ESYT3: variants seen among roughly 807,000 people sequenced by gnomAD.
ESYT3 encodes extended synaptotagmin 3, also known as extended synaptotagmin-3.
A neutral mutation model predicts 111.5 loss-of-function variants in ESYT3; 101 were observed. The ratio of observed to expected loss-of-function variants is 0.91; its 90% CI spans 0.77 to 1.07. The LOEUF is 1.07. ESYT3 is among the 50% of genes least tolerant of loss of function. ESYT3 has a pLI of 0.00. For synonymous variants in ESYT3, 416 were observed against 446.8 expected (o/e 0.93, Z 0.87); for missense variants, 1,097 against 1,109.4 (o/e 0.99, Z 0.16).
At chr3:138,464,967 T>G (rs1167718528) in intron 9 of ESYT3, among the ~76,000 whole-genome samples, 1 of 152,208 alleles carries the variant, frequency 6.6e-6, no homozygotes. Context: ...ACCATCTGGA[T>G]GCTCTGTTAC....
chr3:138,470,643 G>C, intron 16 of ESYT3: 2 of 1,290,750 alleles, frequency 1.5e-6, no homozygotes, highest in Non-Finnish European at 2.0e-6. Flanking sequence ...CTGGGCATTT[G>C]ACAGACTAGC....
intron 10 of ESYT3, among the ~76,000 whole-genome samples, chr3:138,466,297 G>T (rs1163559272): frequency 1.3e-5 from 2 of 152,192 alleles, no homozygotes; most frequent in Non-Finnish European, 2.9e-5. Flanking sequence ...GTGTTGTTTA[G>T]CTTGTTTCCA....
intron 19 of ESYT3, 39 bp from the exon 20 acceptor site, chr3:138,474,182 C>CTT: frequency 6.3e-7 from 1 of 1,578,890 alleles, no homozygotes; most frequent in African/African-American, 1.4e-5. Flanking sequence ...AAACCAGGGC[C>CTT]CTTTTTTTTT....
chr3:138,464,286 C>T, intron 8 of ESYT3, 59 bp from the exon 9 acceptor site: 4 of 1,584,188 alleles, frequency 2.5e-6, no homozygotes, highest in South Asian at 1.1e-5. Flanking sequence ...AGCTCTGATA[C>T]TCCAGGACTT....
intron 22 of ESYT3, 33 bp downstream of exon 22, chr3:138,476,525 C>A: frequency 6.2e-7 from 1 of 1,605,264 alleles, no homozygotes; most frequent in Non-Finnish European, 8.5e-7. Flanking sequence ...TCACTGTTAT[C>A]CTGCTATTCA....
chr3:138,445,774 A>T (rs1455127115), intron 1 of ESYT3, among the ~76,000 whole-genome samples: 1 of 152,222 alleles, frequency 6.6e-6, no homozygotes, highest in Non-Finnish European at 1.5e-5. Flanking sequence ...GATACCGAGC[A>T]TCATCCATGC....
intron 1 of ESYT3, among the ~76,000 whole-genome samples, chr3:138,438,340 A>G (rs11923795): frequency 0.21 from 31,694 of 152,142 alleles, 3,599 homozygotes; most frequent in African/African-American, 0.27. Context: ...TCAGACCTGC[A>G]TTGCATGTCG....
At position 138,464,386 on chromosome 3, in the gene ESYT3, C is replaced by T. The variant is rs1314304387; in HGVS notation, c.957C>T (p.Ala319=). The part of the protein sequence containing the change: ...RVHLLEAEQL[A]QKDNFLGLRG... ...ACTTGCTGGAGGCAGAGCAGCTGGC[C>T]CAGAAGGACAACTTTCTGGGGCTCC... The change falls in exon 9 of 23, where the codon GCC becomes GCT. Residue 319 remains alanine, a synonymous_variant. Coordinates refer to ENST00000389567, the MANE Select transcript of ESYT3 (RefSeq NM_031913.5). 1 of 1,613,960 alleles carries T rather than the reference C, an allele frequency of 6.2e-7. No individual in the cohort carries two copies. The highest frequency in any genetic ancestry group is 8.5e-7 in the Non-Finnish European group (1 of 1,180,002).
intron 8 of ESYT3, among the ~76,000 whole-genome samples, chr3:138,463,743 T>C (rs1403336593): frequency 6.6e-6 from 1 of 152,252 alleles, no homozygotes; most frequent in Non-Finnish European, 1.5e-5. Flanking sequence ...ACCCATGAAC[T>C]ATGCCTTTCC....
rs777302972 is a variant in ESYT3 at position 138,469,475 on chromosome 3, T to C, written c.1474T>C (p.Ser492Pro). The C allele has an allele frequency of 3.7e-6, 6 of 1,614,046 alleles. No individual in the cohort carries two copies. Reference sequence around the variant, plus strand: ...AGACCCTTCTTCCTATGTCAAACTATCTGTAGGCAAGAAGACACATACAAG... The same window carrying C: ...AGACCCTTCTTCCTATGTCAAACTACCTGTAGGCAAGAAGACACATACAAG... ...SKDPSSYVKLSVGKKTHTSKT... is the reference protein window; with the variant it reads ...SKDPSSYVKLPVGKKTHTSKT... Residue 492 changes from serine (S) to proline (P), a missense_variant, in exon 15 of 23, where the codon TCT becomes CCT. By Grantham distance (74) the Ser-to-Pro change is moderately conservative. Transcript: ENST00000389567.
intron 1 of ESYT3, among the ~76,000 whole-genome samples, chr3:138,450,645 A>G (rs951390869): frequency 1.1e-4 from 17 of 152,168 alleles, no homozygotes; most frequent in African/African-American, 4.1e-4. Context: ...CCTCTGACCA[A>G]TCAAGGCTGT....
chr3:138,452,788 A>G (rs1214405050), intron 2 of ESYT3, among the ~76,000 whole-genome samples: 1 of 152,234 alleles, frequency 6.6e-6, no homozygotes, highest in Non-Finnish European at 1.5e-5. Context: ...TGTTTCTAAT[A>G]CAAACCTTGC....
chr3:138,476,909 T>TACA lies in ESYT3; in HGVS notation c.*55_*56insACA. The TACA allele has an allele frequency of 6.9e-7, 1 of 1,455,496 alleles. No homozygotes were observed. The highest frequency in any genetic ancestry group is 9.4e-7 in the Non-Finnish European group (1 of 1,069,118). 90.2% of individuals were successfully genotyped at this position (1,455,496 alleles called of 1,614,324 possible). ...ATTAAAATGTATATATATGTATATA[T>TACA]TTTTTCCTTTGGATCACTTACATCC... On this transcript the variant is annotated 3_prime_UTR_variant, in exon 23 of 23. Transcript: ENST00000389567.
At chr3:138,443,911 C>T (rs1354435660) in intron 1 of ESYT3, among the ~76,000 whole-genome samples, 1 of 152,204 alleles carries the variant, frequency 6.6e-6, no homozygotes, top group African/African-American at 2.4e-5. Context: ...CCCACCCCAA[C>T]CCCAGACCCA....
Position 138,457,574 on chromosome 3 carries a change from A to G in ESYT3, c.511A>G (p.Arg171Gly), listed in dbSNP as rs1199502163. 6.2e-7 allele frequency: 1 copy of G among 1,614,012 alleles called. No homozygotes were observed. The highest frequency in any genetic ancestry group is 2.2e-5 in the East Asian group (1 of 44,892). The part of the protein sequence containing the change: ...TKLYFGQKCP[R>G]VNGVKAHTNT... Reference sequence around the variant, plus strand: ...CTTTTGGCATTTCTTCCAGTGTCCCAGGGTCAACGGTGTCAAGGCACACAC... The same window carrying G: ...CTTTTGGCATTTCTTCCAGTGTCCCGGGGTCAACGGTGTCAAGGCACACAC... The change falls in exon 4 of 23, where the codon AGG becomes GGG. Residue 171 changes from arginine (R) to glycine (G), a missense_variant. Physicochemically the swap from Arg to Gly is moderately radical, Grantham distance 125. Coordinates refer to ENST00000389567, the MANE Select transcript of ESYT3 (RefSeq NM_031913.5).
Position 138,455,264 on chromosome 3 carries a change from AGATCC to A in ESYT3, c.443_447del (p.Ile148ArgfsTer31). On this transcript the variant is annotated frameshift_variant, in exon 3 of 23. Coordinates refer to ENST00000389567, the MANE Select transcript of ESYT3 (RefSeq NM_031913.5). LOFTEE classifies it high-confidence loss of function. ...AAGTTCCGGGAGAAACTTGAGCCCA[AGATCC>A]GAGAGAAGAGCATCCACCTGAGGAC... is the stretch of plus-strand genomic sequence containing the variant. The A allele has an allele frequency of 1.2e-6, 2 of 1,614,180 alleles. No individual in the cohort carries two copies. Among genetic ancestry groups the A allele is most frequent in the Non-Finnish European group, 1.7e-6 (2 of 1,180,046 alleles).
In ESYT3 at chr3:138,471,024, C is replaced by A; in HGVS notation, c.1738C>A (p.Arg580=). 6.2e-7 allele frequency: 1 copy of A among 1,613,300 alleles called. No individual in the cohort carries two copies. The highest frequency in any genetic ancestry group is 1.1e-5 in the South Asian group (1 of 91,052). Reference sequence around the variant, plus strand: ...CCTCATCTCCATGAGGCTGGTGCTTCGGGTAAATCTCTCCGGTCCCCTGGG... The same window carrying A: ...CCTCATCTCCATGAGGCTGGTGCTTAGGGTAAATCTCTCCGGTCCCCTGGG... ...DSLISMRLVL[R]FLQVEERELG... Residue 580 remains arginine (R), a splice_region_variant and synonymous_variant, in exon 17 of 23, where the codon CGG becomes AGG. Transcript: ENST00000389567.
At chr3:138,469,021 C>A (rs2033083235) in intron 14 of ESYT3, 140 bp downstream of exon 14, 1 of 908,072 alleles carries the variant, frequency 1.1e-6, no homozygotes, top group African/African-American at 1.6e-5. Flanking sequence ...ATTGTGGAGT[C>A]TACTGTGTGC....
chr3:138,475,715 G>A (rs544881798), intron 20 of ESYT3, among the ~76,000 whole-genome samples: 6 of 152,106 alleles, frequency 3.9e-5, no homozygotes, highest in Admixed American at 1.3e-4. Flanking sequence ...ATTATCTGAG[G>A]TCGGGAGTTT....
Sources: allele counts gnomAD v4.1 joint callset (sites outside exome capture counted in the v4.1 genomes callset), GRCh38; gene constraint gnomAD v4.1.1; transcripts MANE v1.5; gene names NCBI Gene and HGNC (gene_info 2026-07-23, HGNC 2026-07-21).